Variants in ADGRB3 observed in about 807,000 individuals in gnomAD.
ADGRB3 encodes the protein brain-specific angiogenesis inhibitor 3.
Under a neutral mutation model 193.4 loss-of-function variants are expected in ADGRB3, and 37 were observed. That is an observed-to-expected ratio of 0.19 (90% confidence interval 0.15 to 0.25). The LOEUF is 0.25. ADGRB3 is among the 10% of genes least tolerant of loss of function. ADGRB3 has a pLI of 1.00. For synonymous variants in ADGRB3, 690 were observed against 644.2 expected (o/e 1.07, Z -1.08); for missense variants, 1,637 against 1,852.9 (o/e 0.88, Z 2.14).
rs180673220 is a variant in ADGRB3 at position 69,121,561 on chromosome 6, G to A, written c.2480+45523G>A. 1.2e-4 allele frequency among the ~76,000 whole-genome samples: 19 copies of A among 152,198 alleles called. No homozygotes were observed. The East Asian group carries it at 3.7e-3, about 30-fold the overall frequency. On this transcript the variant is annotated intron_variant, in intron 17 of 31. Coordinates refer to ENST00000370598, the MANE Select transcript of ADGRB3 (RefSeq NM_001704.3). ...TACACTTCCCAGACGGGGCAGCCTG[G>A]CAGAGGCACACCTCACTTCCCAGAT...
chr6:68,643,719 G>A (rs572083981), intron 3 of ADGRB3, among the ~76,000 whole-genome samples: 51 of 151,340 alleles, frequency 3.4e-4, no homozygotes, highest in Non-Finnish European at 6.2e-4. Flanking sequence ...GGACCATGAG[G>A]TCAGGACTTC....
intron 3 of ADGRB3, among the ~76,000 whole-genome samples, chr6:68,639,934 G>A (rs1283888054): frequency 6.6e-6 from 1 of 152,150 alleles, no homozygotes; most frequent in Non-Finnish European, 1.5e-5. Context: ...AAAAGGTAGT[G>A]CAAACTTAAT....
At position 68,956,790 on chromosome 6, in the gene ADGRB3, C is replaced by T; in HGVS notation, c.1506C>T (p.Cys502=). The change falls in exon 8 of 32, where the codon TGC becomes TGT. Residue 502 remains cysteine (C), a synonymous_variant. Coordinates refer to ENST00000370598, the MANE Select transcript of ADGRB3 (RefSeq NM_001704.3). ...CEGTGEEVRR[C]NEQRCPAPYE... ...GAACGGGCGAAGAAGTGAGAAGATG[C>T]AATGAGCAGCGATGCCCTGGTGAGA... The T allele has an allele frequency of 6.2e-7, 1 of 1,613,442 alleles. No individual in the cohort carries two copies. Among genetic ancestry groups the T allele is most frequent in the African/African-American group, 1.3e-5 (1 of 74,946 alleles).
chr6:69,117,246 A>G (rs1773559752), intron 17 of ADGRB3, among the ~76,000 whole-genome samples: 1 of 152,148 alleles, frequency 6.6e-6, no homozygotes, highest in Admixed American at 6.5e-5. Flanking sequence ...TTTTTTATTT[A>G]TTATGTCATT....
intron 3 of ADGRB3, among the ~76,000 whole-genome samples, chr6:68,913,308 C>A (rs1766775941): frequency 6.6e-6 from 1 of 152,208 alleles, no homozygotes; most frequent in Non-Finnish European, 1.5e-5. Context: ...TAAGGGCAGA[C>A]TGACACCTCA....
chr6:69,059,084 A>G (rs1046821482), intron 15 of ADGRB3, among the ~76,000 whole-genome samples: 1 of 151,962 alleles, frequency 6.6e-6, no homozygotes, highest in Non-Finnish European at 1.5e-5. Context: ...TATTGTTACT[A>G]TTTATTTCTT....
chr6:68,690,381 G>A (rs1245521505), intron 3 of ADGRB3, among the ~76,000 whole-genome samples: 2 of 152,036 alleles, frequency 1.3e-5, no homozygotes, highest in Admixed American at 1.3e-4. Context: ...AGGGATACAA[G>A]TTTCCCCCTT....
chr6:68,661,327 A>G (rs5025487), intron 3 of ADGRB3, among the ~76,000 whole-genome samples: 23,878 of 93,958 alleles, frequency 0.25, 4,195 homozygotes, highest in East Asian at 0.7. Context: ...GTGTGTGTGT[A>G]TATATATATA....
chr6:69,002,280 A>C (rs1769603328), intron 11 of ADGRB3, among the ~76,000 whole-genome samples: 1 of 148,454 alleles, frequency 6.7e-6, no homozygotes, highest in Non-Finnish European at 1.5e-5. Context: ...GTACAGTGGC[A>C]TGATCTCGGC....
chr6:68,736,795 T>C (rs1331573438), intron 3 of ADGRB3, among the ~76,000 whole-genome samples: 1 of 152,096 alleles, frequency 6.6e-6, no homozygotes, highest in Non-Finnish European at 1.5e-5. Context: ...TATTTTTACA[T>C]TTTTTAATAC....
chr6:68,897,627 GGAGGAAA>G (rs1433839791), intron 3 of ADGRB3, among the ~76,000 whole-genome samples: 7 of 138,400 alleles, frequency 5.1e-5, no homozygotes, highest in East Asian at 2.2e-4. Flanking sequence ...AGGGAGGGAG[GGAGGAAA>G]GAGGAAAGAG....
chr6:69,053,738 A>T (rs1771464592), intron 15 of ADGRB3, among the ~76,000 whole-genome samples: 2 of 152,268 alleles, frequency 1.3e-5, no homozygotes, highest in African/African-American at 2.4e-5. Flanking sequence ...AACTGCTCTG[A>T]GAATTTTAAC....
intron 3 of ADGRB3, among the ~76,000 whole-genome samples, chr6:68,922,504 T>C (rs1346969897): frequency 6.6e-6 from 1 of 152,244 alleles, no homozygotes; most frequent in Admixed American, 6.5e-5. Flanking sequence ...GACTCGTGCA[T>C]GTGCACACAT....
At chr6:69,237,592 T>C (rs1766295851) in intron 19 of ADGRB3, among the ~76,000 whole-genome samples, 1 of 152,012 alleles carries the variant, frequency 6.6e-6, no homozygotes, top group African/African-American at 2.4e-5. Context: ...TAGGGCTCAG[T>C]TTTGATAAAA....
intron 3 of ADGRB3, among the ~76,000 whole-genome samples, chr6:68,708,532 G>C (rs1418201120): frequency 6.6e-6 from 1 of 152,054 alleles, no homozygotes; most frequent in East Asian, 1.9e-4. Flanking sequence ...CCAGTTCAAA[G>C]ATACATAAAA....
rs181018496 is a variant in ADGRB3, at chr6:69,209,347, C to T, written c.2481-23943C>T. 1.7e-4 allele frequency among the ~76,000 whole-genome samples: 26 copies of T among 152,310 alleles called. 1 individual carries two copies. The highest frequency in any genetic ancestry group is 5.5e-4 in the African/African-American group (23 of 41,552). On this transcript the variant is annotated intron_variant, in intron 17 of 31. Coordinates refer to ENST00000370598, the MANE Select transcript of ADGRB3 (RefSeq NM_001704.3). ...TTGTGGGAGGGGCCAAATGCAGCAA[C>T]TTATCCTTCACCTTAGAAGGAATAT...
intron 20 of ADGRB3, among the ~76,000 whole-genome samples, chr6:69,265,662 T>TAGGAC (rs1767024777): frequency 6.6e-6 from 1 of 152,058 alleles, no homozygotes; most frequent in African/African-American, 2.4e-5. Context: ...TTCTTCTCTA[T>TAGGAC]TGTAATATCT....
At chr6:69,236,825 A>G (rs1203684262) in intron 19 of ADGRB3, among the ~76,000 whole-genome samples, 1 of 152,018 alleles carries the variant, frequency 6.6e-6, no homozygotes, top group African/African-American at 2.4e-5. Context: ...CAAGAAAGTC[A>G]CTACTACAAT....
chr6:69,065,017 A>AATTTT (rs1475738296), intron 16 of ADGRB3, among the ~76,000 whole-genome samples: 1 of 152,182 alleles, frequency 6.6e-6, no homozygotes, highest in African/African-American at 2.4e-5. Flanking sequence ...ATAGTCAACA[A>AATTTT]ATTTTATTAA....
Sources: allele counts gnomAD v4.1 joint callset (sites outside exome capture counted in the v4.1 genomes callset), GRCh38; gene constraint gnomAD v4.1.1; transcripts MANE v1.5; gene names NCBI Gene and HGNC (gene_info 2026-07-23, HGNC 2026-07-21).